CSMD1: variants seen among roughly 807,000 people sequenced by gnomAD.
CSMD1 encodes CUB and Sushi multiple domains 1.
CSMD1 carries 213 observed loss-of-function variants against 417.5 expected under a neutral mutation model. The ratio of observed to expected loss-of-function variants is 0.51; its 90% CI spans 0.46 to 0.57. The LOEUF (loss-of-function observed/expected upper bound fraction) is 0.57, where lower values mean the gene tolerates loss of function less well. CSMD1 is among the 20% of genes least tolerant of loss of function. The pLI is 0.00. For synonymous variants in CSMD1, 2,862 were observed against 1,736.8 expected (o/e 1.65, Z -16.11); for missense variants, 6,923 against 4,529.7 (o/e 1.53, Z -15.17).
intron 5 of CSMD1, among the ~76,000 whole-genome samples, chr8:3,992,759 T>C (rs1439942573): frequency 1.3e-5 from 2 of 152,180 alleles, no homozygotes; most frequent in African/African-American, 4.8e-5. Flanking sequence ...CCACACTGGG[T>C]GACAGAAGGA....
intron 4 of CSMD1, among the ~76,000 whole-genome samples, chr8:4,022,417 T>C (rs571715628): frequency 6.6e-6 from 1 of 152,118 alleles, no homozygotes; most frequent in African/African-American, 2.4e-5. Flanking sequence ...GTACAGTTTG[T>C]ACTTAGCCAA....
At chr8:3,330,859 CTG>C (rs962983021) in intron 23 of CSMD1, among the ~76,000 whole-genome samples, 10 of 152,302 alleles carry the variant, frequency 6.6e-5, no homozygotes, top group Admixed American at 3.9e-4. Flanking sequence ...TATAGCAAAA[CTG>C]TTTTTATTTT....
chr8:4,182,094 T>C (rs548423547), intron 3 of CSMD1, among the ~76,000 whole-genome samples: 3 of 151,842 alleles, frequency 2.0e-5, no homozygotes, highest in Non-Finnish European at 1.5e-5. Flanking sequence ...CCTACCTGAA[T>C]AGCATTTCAA....
At chr8:4,325,251 A>C (rs558544491) in intron 3 of CSMD1, among the ~76,000 whole-genome samples, 30 of 152,300 alleles carry the variant, frequency 2.0e-4, no homozygotes, top group African/African-American at 7.0e-4. Context: ...TGCGACTTTC[A>C]AGACCTTCTT....
chr8:4,525,505 A>T (rs1333251433), intron 2 of CSMD1, among the ~76,000 whole-genome samples: 2 of 152,200 alleles, frequency 1.3e-5, no homozygotes. Flanking sequence ...ATTTAGCGCC[A>T]TTCCTCTAGT....
intron 1 of CSMD1, among the ~76,000 whole-genome samples, chr8:4,953,267 A>T (rs1808869738): frequency 6.6e-6 from 1 of 152,176 alleles, no homozygotes; most frequent in Non-Finnish European, 1.5e-5. Context: ...ATATATTTCT[A>T]AATAGCCTAA....
intron 3 of CSMD1, among the ~76,000 whole-genome samples, chr8:4,284,833 C>G (rs1207758489): frequency 6.6e-6 from 1 of 151,822 alleles, no homozygotes; most frequent in African/African-American, 2.4e-5. Flanking sequence ...TGTTCAAAAA[C>G]AAAACAAAAC....
intron 1 of CSMD1, among the ~76,000 whole-genome samples, chr8:4,844,560 G>A (rs1801023681): frequency 6.6e-6 from 1 of 152,136 alleles, no homozygotes; most frequent in Non-Finnish European, 1.5e-5. Flanking sequence ...AACCAGCCAT[G>A]AGGGGTGCAC....
At chr8:4,484,964 G>C (rs112254936) in intron 2 of CSMD1, among the ~76,000 whole-genome samples, 10,578 of 109,758 alleles carry the variant, frequency 0.096, 569 homozygotes, top group Admixed American at 0.24. Flanking sequence ...CTGGTTGACA[G>C]AGTGAGACTC....
At chr8:2,953,449 T>G (rs1168880963) in intron 65 of CSMD1, among the ~76,000 whole-genome samples, 2 of 123,678 alleles carry the variant, frequency 1.6e-5, no homozygotes, top group African/African-American at 2.6e-5. Flanking sequence ...ATAGAGCTTA[T>G]GTCCAAAAAA....
At chr8:4,142,296 C>G (rs1380303183) in intron 3 of CSMD1, among the ~76,000 whole-genome samples, 3 of 151,104 alleles carry the variant, frequency 2.0e-5, no homozygotes, top group African/African-American at 7.4e-5. Flanking sequence ...GTTTCATGCT[C>G]CCAAAGATTT....
chr8:3,943,120 T>C (rs1336160072), intron 5 of CSMD1, among the ~76,000 whole-genome samples: 3 of 152,140 alleles, frequency 2.0e-5, no homozygotes, highest in African/African-American at 7.2e-5. Flanking sequence ...TTTATGTTTG[T>C]CATTAAACAA....
At chr8:3,302,311 C>A (rs188920542) in intron 25 of CSMD1, among the ~76,000 whole-genome samples, 1 of 151,984 alleles carries the variant, frequency 6.6e-6, no homozygotes, top group African/African-American at 2.4e-5. Context: ...GGAGTCACTT[C>A]TTCTGGAATA....
chr8:4,012,391 T>C (rs1816612995), intron 4 of CSMD1, among the ~76,000 whole-genome samples: 1 of 152,188 alleles, frequency 6.6e-6, no homozygotes, highest in Non-Finnish European at 1.5e-5. Flanking sequence ...GTTGATCTCA[T>C]CCAGTTTGCG....
At chr8:3,343,191 G>C in intron 23 of CSMD1, 103 bp downstream of exon 23, 1 of 969,464 alleles carries the variant, frequency 1.0e-6, no homozygotes, top group East Asian at 2.6e-5. Flanking sequence ...AAACACAGTA[G>C]GCAGCCAGAA....
In CSMD1 at chr8:4,451,559, C is replaced by T. The variant is rs375256484; in HGVS notation, c.303-31494G>A. 1.5e-4 allele frequency among the ~76,000 whole-genome samples: 23 copies of T among 151,942 alleles called. No homozygotes were observed. The South Asian group carries it at 3.6e-3, about 23-fold the overall frequency. On this transcript the variant is annotated intron_variant, in intron 2 of 69. Transcript: ENST00000635120. ...TGACTCTGGAAAGGTAAAGGGTGAG[C>T]GATAGAGTGAAGACAAAGAAAGCCT...
intron 2 of CSMD1, among the ~76,000 whole-genome samples, chr8:4,447,658 A>AT (rs1338358048): frequency 6.6e-6 from 1 of 152,216 alleles, no homozygotes; most frequent in African/African-American, 2.4e-5. Context: ...AAAGGAAGGA[A>AT]TGGTTTCCAC....
chr8:4,511,926 T>A lies in CSMD1; in HGVS notation c.303-91861A>T, dbSNP rs149833084. On this transcript the variant is annotated intron_variant, in intron 2 of 69. Transcript: ENST00000635120. The stretch of plus-strand genomic sequence containing the variant: ...GGAACCATTTTTGCAGAGCATTTCA[T>A]TCTTCCTAACAAGATAGGCCCACAT... 5.3e-5 allele frequency among the ~76,000 whole-genome samples: 8 copies of A among 152,238 alleles called. No individual in the cohort carries two copies. The East Asian group carries it at 1.5e-3, about 29-fold the overall frequency.
intron 3 of CSMD1, among the ~76,000 whole-genome samples, chr8:4,271,943 A>G (rs1335634532): frequency 6.6e-6 from 1 of 152,162 alleles, no homozygotes; most frequent in Non-Finnish European, 1.5e-5. Flanking sequence ...CCTGCCCTAC[A>G]GATCTCATGT....
Sources: gnomAD v4.1 joint callset for allele counts (sites outside exome capture counted in the v4.1 genomes callset) on GRCh38, gnomAD v4.1.1 for gene constraint, MANE v1.5 for transcripts, NCBI Gene and HGNC (gene_info 2026-07-23, HGNC 2026-07-21) for gene names.